RHD: variants seen among roughly 807,000 people sequenced by gnomAD.
RHD encodes Rh blood group D antigen, also known as blood group Rh(D) polypeptide.
In RHD, 16 loss-of-function variants were observed where a neutral mutation model predicts 45.5. The observed-to-expected ratio is 0.35, with a 90% CI of 0.24 to 0.53. The LOEUF (loss-of-function observed/expected upper bound fraction) is 0.53, where lower values mean the gene tolerates loss of function less well. Among genes scored for constraint, RHD ranks in the 20% least tolerant of loss-of-function variants. RHD has a pLI of 0.92. For missense variants in RHD, 306 were observed against 532.0 expected (o/e 0.58, Z 4.18); for synonymous variants, 131 against 217.5 (o/e 0.60, Z 3.50).
chr1:25,324,299 AT>A (rs1180352915), intron 9 of RHD, among the ~76,000 whole-genome samples: 854 of 116,432 alleles, frequency 7.3e-3, no homozygotes, highest in African/African-American at 0.028. Flanking sequence ...CTGAAAAAAA[AT>A]ATTTGCTGGA....
chr1:25,284,861 A>G (rs1438518676), intron 2 of RHD, 102 bp downstream of exon 2: 7 of 1,170,522 alleles, frequency 6.0e-6, no homozygotes, highest in Non-Finnish European at 7.5e-6. Flanking sequence ...TCTGTCTAGC[A>G]CCAGTGCTGT....
At position 25,294,364 on chromosome 1, in the gene RHD, A is replaced by T; in HGVS notation, c.486+3573A>T. ...TGAAGAGTGAGGGCTGCAGCCAGGG[A>T]ATAGTCCGTCGCAGAGCAAGGATTC... On this transcript the variant is annotated intron_variant, in intron 3 of 9. Coordinates refer to ENST00000328664, the MANE Select transcript of RHD (RefSeq NM_016124.6). 2 of 850,258 alleles carry T rather than the reference A, an allele frequency of 2.4e-6. 1 individual carries two copies. Among genetic ancestry groups the T allele is most frequent in the Non-Finnish European group, 4.0e-6 (2 of 503,814 alleles). The allele number at this position is 850,258 out of a possible 1,614,324, so 52.7% of individuals were successfully genotyped here. A position where few individuals can be genotyped will look rare whatever the true frequency, so the allele number is the denominator to read the frequency against.
rs1193173869 is a variant in RHD, at chr1:25,330,301, C to A, written c.*1377C>A. On this transcript the variant is annotated 3_prime_UTR_variant, in exon 10 of 10. Transcript: ENST00000328664. The stretch of plus-strand genomic sequence containing the variant: ...CATTGCTTAAGAAACACATAAACAC[C>A]ATTTAGTCACTGAACATAGCTATAT... 6 of 132,874 alleles carry A rather than the reference C, an allele frequency of 4.5e-5. 1 individual carries two copies. Among genetic ancestry groups the A allele is most frequent in the South Asian group, 2.3e-4 (1 of 4,394 alleles). 8.2% of individuals were successfully genotyped at this position (132,874 alleles called of 1,614,324 possible). A position where few individuals can be genotyped will look rare whatever the true frequency, so the allele number is the denominator to read the frequency against.
chr1:25,309,243 A>C (rs1443666726), intron 7 of RHD, among the ~76,000 whole-genome samples: 2 of 131,840 alleles, frequency 1.5e-5, no homozygotes, highest in Non-Finnish European at 3.6e-5. Context: ...ATTTTTAAGT[A>C]ATGGGAAGGC....
chr1:25,313,443 A>C lies in RHD; in HGVS notation c.1074-3557A>C, dbSNP rs1172265236. Reference sequence around the variant, plus strand: ...GTGCTTTTGTATGCTTCTTTTACTCAACATTGTAGTTGTGAGATTCATCCA... The same window carrying C: ...GTGCTTTTGTATGCTTCTTTTACTCCACATTGTAGTTGTGAGATTCATCCA... On this transcript the variant is annotated intron_variant, in intron 7 of 9. Coordinates refer to ENST00000328664, the MANE Select transcript of RHD (RefSeq NM_016124.6). 2.3e-5 allele frequency among the ~76,000 whole-genome samples: 3 copies of C among 133,078 alleles called. 1 individual carries two copies. Among genetic ancestry groups the C allele is most frequent in the African/African-American group, 7.7e-5 (3 of 38,970 alleles). 87.3% of individuals were successfully genotyped at this position (133,078 alleles called of 152,430 possible).
At chr1:25,322,052 G>C (rs1341051637) in intron 9 of RHD, 90 bp downstream of exon 9, 2 of 723,914 alleles carry the variant, frequency 2.8e-6, no homozygotes, top group East Asian at 5.1e-5. Flanking sequence ...CTGTTTATGA[G>C]TAAAACAAAA....
At position 25,306,082 on chromosome 1, in the gene RHD, G is replaced by A. The variant is rs1328041844; in HGVS notation, c.940-514G>A. 2.3e-5 allele frequency among the ~76,000 whole-genome samples: 3 copies of A among 131,854 alleles called. No homozygotes were observed. The East Asian group carries it at 5.9e-4, about 26-fold the overall frequency. 86.5% of individuals were successfully genotyped at this position (131,854 alleles called of 152,430 possible). On this transcript the variant is annotated intron_variant, in intron 6 of 9. Coordinates refer to ENST00000328664, the MANE Select transcript of RHD (RefSeq NM_016124.6). ...TGCTTTCTTTCTAACCAGCTGTGTTGTCTTTGGGATGGTGCTTAAATTTGG... is the reference window on the plus strand; with the variant it reads ...TGCTTTCTTTCTAACCAGCTGTGTTATCTTTGGGATGGTGCTTAAATTTGG...
intron 2 of RHD, among the ~76,000 whole-genome samples, chr1:25,287,633 G>C (rs139670419): frequency 0.017 from 2,293 of 135,494 alleles, 386 homozygotes; most frequent in African/African-American, 0.054. Flanking sequence ...CAACGTTGTT[G>C]TTTGTTTTCC....
At position 25,319,076 on chromosome 1, in the gene RHD, T is replaced by C. The variant is rs1206115319; in HGVS notation, c.1153+1997T>C. 2.3e-5 allele frequency among the ~76,000 whole-genome samples: 3 copies of C among 132,322 alleles called. 1 individual carries two copies. The highest frequency in any genetic ancestry group is 7.7e-5 in the African/African-American group (3 of 38,864). 86.8% of individuals were successfully genotyped at this position (132,322 alleles called of 152,430 possible). On this transcript the variant is annotated intron_variant, in intron 8 of 9. Transcript: ENST00000328664. ...AATGCAAGGTGTCTGTTTTTAAATT[T>C]GAAATGAATTGGGTATCCTGCATTT...
In RHD at chr1:25,282,811, C is replaced by T. The variant is rs1471471767; in HGVS notation, c.149-1762C>T. Among the ~76,000 whole-genome samples, 2 of 130,054 alleles carry T rather than the reference C, an allele frequency of 1.5e-5. 1 individual carries two copies. The highest frequency in any genetic ancestry group is 5.2e-5 in the African/African-American group (2 of 38,150). 85.3% of individuals were successfully genotyped at this position (130,054 alleles called of 152,430 possible). A position where few individuals can be genotyped will look rare whatever the true frequency, so the allele number is the denominator to read the frequency against. ...ACAGGAGGCTGAAGCACAAGAATCA[C>T]TTGAACCCGGGAGGTGGAGGTTGCA... is the stretch of plus-strand genomic sequence containing the variant. On this transcript the variant is annotated intron_variant, in intron 1 of 9. Coordinates refer to ENST00000328664, the MANE Select transcript of RHD (RefSeq NM_016124.6).
In RHD at chr1:25,280,251, G is replaced by C. The variant is rs1641356131; in HGVS notation, c.149-4322G>C. On this transcript the variant is annotated intron_variant, in intron 1 of 9. Transcript: ENST00000328664. ...ACCTGGAATCAGGGAATCGGGATCA[G>C]GGGCAGCAGCTGTGCCCAATAAAGC... Among the ~76,000 whole-genome samples the C allele has an allele frequency of 2.3e-5, 3 of 128,028 alleles. No homozygotes were observed. In the South Asian group the frequency reaches 7.0e-4, roughly 30 times the overall value. The allele number at this position is 128,028 out of a possible 152,430, so 84.0% of individuals were successfully genotyped here.
chr1:25,306,286 A>G (rs187489674), intron 6 of RHD, among the ~76,000 whole-genome samples: 1 of 131,930 alleles, frequency 7.6e-6, no homozygotes, highest in East Asian at 2.0e-4. Flanking sequence ...ATCAGCTGAA[A>G]TTGTGAACAG....
chr1:25,312,619 A>G (rs188717557), intron 7 of RHD, among the ~76,000 whole-genome samples: 2 of 129,446 alleles, frequency 1.5e-5, no homozygotes, highest in Admixed American at 1.5e-4. Context: ...GTATTGTGGC[A>G]TATACCTGTA....
At chr1:25,301,866 A>G (rs1643417158) in intron 5 of RHD, among the ~76,000 whole-genome samples, 180 bp downstream of exon 5, 1 of 131,416 alleles carries the variant, frequency 7.6e-6, no homozygotes, top group Non-Finnish European at 1.8e-5. Flanking sequence ...TGGGCCTGGG[A>G]CTCAGGAGAC....
Position 25,290,639 on chromosome 1 carries a change from A to G in RHD, c.336-2A>G, listed in dbSNP as rs1187956199. 7 of 1,376,754 alleles carry G rather than the reference A, an allele frequency of 5.1e-6. 3 individuals are homozygous for G. Among genetic ancestry groups the G allele is most frequent in the Non-Finnish European group, 7.2e-6 (7 of 976,894 alleles). 85.3% of individuals were successfully genotyped at this position (1,376,754 alleles called of 1,614,324 possible). On this transcript the variant is annotated splice_acceptor_variant, in intron 2 of 9. Coordinates refer to ENST00000328664, the MANE Select transcript of RHD (RefSeq NM_016124.6). LOFTEE classifies it high-confidence loss of function. ...CGTCCTGGCTCTCCCTCTCTCCCCC[A>G]GTATTCGGCTGGCCACCATGAGTGC...
rs1641154281 is a variant in RHD at position 25,277,909 on chromosome 1, G to A, written c.148+5214G>A. On this transcript the variant is annotated intron_variant, in intron 1 of 9. Transcript: ENST00000328664. ...GGCTGGTCTCGAACTCCCAACCTCA[G>A]GTGATGCACCCGCCTTGGCCTCCCA... Among the ~76,000 whole-genome samples, 2 of 132,966 alleles carry A rather than the reference G, an allele frequency of 1.5e-5. 1 individual carries two copies. The highest frequency in any genetic ancestry group is 1.5e-4 in the Admixed American group (2 of 13,716). The allele number at this position is 132,966 out of a possible 152,430, so 87.2% of individuals were successfully genotyped here. A position where few individuals can be genotyped will look rare whatever the true frequency, so the allele number is the denominator to read the frequency against.
chr1:25,282,878 G>C lies in RHD; in HGVS notation c.149-1695G>C, dbSNP rs1444319699. On this transcript the variant is annotated intron_variant, in intron 1 of 9. Coordinates refer to ENST00000328664, the MANE Select transcript of RHD (RefSeq NM_016124.6). ...CCACTGCACTCCAACCTGGGCAACAGAGAGACTCTGTCTCGAAAAAAAAAA... is the reference window on the plus strand; with the variant it reads ...CCACTGCACTCCAACCTGGGCAACACAGAGACTCTGTCTCGAAAAAAAAAA... Among the ~76,000 whole-genome samples, 13 of 129,714 alleles carry C rather than the reference G, an allele frequency of 1.0e-4. 4 individuals carry two copies. In the South Asian group the frequency reaches 2.4e-3, roughly 24 times the overall value. The allele number at this position is 129,714 out of a possible 152,430, so 85.1% of individuals were successfully genotyped here.
At chr1:25,286,970 G>A (rs1247372281) in intron 2 of RHD, among the ~76,000 whole-genome samples, 3 of 133,320 alleles carry the variant, frequency 2.3e-5, no homozygotes, top group African/African-American at 5.2e-5. Context: ...GCAGGCACCT[G>A]TAATCCCAGC....
chr1:25,292,995 C>T (rs1304651703), intron 3 of RHD, among the ~76,000 whole-genome samples: 2 of 126,756 alleles, frequency 1.6e-5, no homozygotes, highest in African/African-American at 2.7e-5. Flanking sequence ...CCCAGGTGGG[C>T]TGAATGCTGC....
Sources: gnomAD v4.1 joint callset for allele counts (sites outside exome capture counted in the v4.1 genomes callset) on GRCh38, gnomAD v4.1.1 for gene constraint, MANE v1.5 for transcripts, NCBI Gene and HGNC (gene_info 2026-07-23, HGNC 2026-07-21) for gene names.